Variants in CHIC2 observed in about 807,000 individuals in gnomAD.
CHIC2 encodes the protein cysteine-rich hydrophobic domain-containing protein 2.
A neutral mutation model predicts 25.9 loss-of-function variants in CHIC2; 14 were observed. That is an observed-to-expected ratio of 0.54 (90% CI 0.36 to 0.85). The LOEUF (loss-of-function observed/expected upper bound fraction) is 0.85, where lower values mean the gene tolerates loss of function less well. CHIC2 is among the 40% of genes least tolerant of loss of function. CHIC2 has a pLI of 0.01. For synonymous variants in CHIC2, 70 were observed against 72.0 expected (o/e 0.97, Z 0.14); for missense variants, 146 against 202.0 (o/e 0.72, Z 1.68).
chr4:54,013,782 A>C (rs927308587), intron 5 of CHIC2, 55 bp downstream of exon 5: 2 of 1,544,510 alleles, frequency 1.3e-6, no homozygotes, highest in East Asian at 4.5e-5. Flanking sequence ...TAAGATCAGA[A>C]GCAAAATAAA....
At chr4:54,059,191 T>C (rs1014345944) in intron 1 of CHIC2, among the ~76,000 whole-genome samples, 3 of 152,098 alleles carry the variant, frequency 2.0e-5, no homozygotes, top group Non-Finnish European at 4.4e-5. Context: ...ATTACCAAAT[T>C]ATAATCAAAT....
chr4:54,066,422 G>A (rs1259480366), upstream of CHIC2, among the ~76,000 whole-genome samples: 4 of 152,132 alleles, frequency 2.6e-5, no homozygotes, highest in Admixed American at 1.3e-4. Context: ...TATAAAGCAC[G>A]TACATAATAT....
the CHIC2 span, among the ~76,000 whole-genome samples, chr4:54,090,403 T>C: frequency 6.6e-6 from 1 of 152,158 alleles, no homozygotes; most frequent in South Asian, 2.1e-4. Context: ...CAGGCTGGTC[T>C]CGAACTTCTA....
intron 1 of CHIC2, chr4:54,060,389 G>C (rs773139979): frequency 3.9e-5 from 6 of 152,128 alleles, no homozygotes; most frequent in Non-Finnish European, 8.8e-5. Flanking sequence ...AGTACATGAA[G>C]ACACGGTAAA....
chr4:54,069,433 G>A (rs73252930), upstream of CHIC2, among the ~76,000 whole-genome samples: 183 of 152,340 alleles, frequency 1.2e-3, 1 homozygote, highest in Non-Finnish European at 2.1e-3. Context: ...CCGCGGAGTC[G>A]GGGTGCTCTG....
At chr4:54,087,225 G>C in the CHIC2 span, 2 of 641,038 alleles carry the variant, frequency 3.1e-6, no homozygotes, top group Non-Finnish European at 5.6e-6. Flanking sequence ...GGGAAGGAAA[G>C]AGCCTGGGCA....
the CHIC2 span, among the ~76,000 whole-genome samples, chr4:54,085,915 A>G: frequency 2.6e-5 from 4 of 152,048 alleles, no homozygotes; most frequent in African/African-American, 7.2e-5. Flanking sequence ...AAGTCGTTTA[A>G]CCTCTCAATA....
the CHIC2 span, chr4:54,087,145 C>T: frequency 1.3e-6 from 1 of 794,612 alleles, no homozygotes; most frequent in Non-Finnish European, 2.2e-6. Context: ...TGAGGAAGAC[C>T]AGAAAGAACA....
intron 3 of CHIC2, among the ~76,000 whole-genome samples, chr4:54,042,917 A>T (rs1459865301): frequency 6.6e-6 from 1 of 152,228 alleles, no homozygotes; most frequent in Non-Finnish European, 1.5e-5. Flanking sequence ...TTATAACAGA[A>T]ATCAAGGGAC....
At chr4:54,018,208 T>C (rs1040715505) in intron 3 of CHIC2, among the ~76,000 whole-genome samples, 2 of 152,084 alleles carry the variant, frequency 1.3e-5, no homozygotes, top group Admixed American at 6.5e-5. Context: ...AAATAAGACA[T>C]ACCTTCCAAA....
At chr4:54,012,086 T>C (rs1715612477) in intron 5 of CHIC2, among the ~76,000 whole-genome samples, 1 of 151,790 alleles carries the variant, frequency 6.6e-6, no homozygotes, top group Non-Finnish European at 1.5e-5. Flanking sequence ...TCTAAGAAAA[T>C]CCAGCAGAAC....
At chr4:54,077,050 C>A in the CHIC2 span, among the ~76,000 whole-genome samples, 1 of 152,088 alleles carries the variant, frequency 6.6e-6, no homozygotes, top group Non-Finnish European at 1.5e-5. Context: ...TGTAATGCAG[C>A]TAATTATAGT....
chr4:54,076,402 T>G, the CHIC2 span, among the ~76,000 whole-genome samples: 1 of 152,180 alleles, frequency 6.6e-6, no homozygotes, highest in Non-Finnish European at 1.5e-5. Context: ...AGGTAAATGT[T>G]TCTACTGCAA....
Position 54,009,804 on chromosome 4 carries a change from C to A in CHIC2, c.*291G>T. 1 of 269,686 alleles carries A rather than the reference C, an allele frequency of 3.7e-6. No homozygotes were observed. 16.7% of individuals were successfully genotyped at this position (269,686 alleles called of 1,614,324 possible). A position where few individuals can be genotyped will look rare whatever the true frequency, so the allele number is the denominator to read the frequency against. The stretch of plus-strand genomic sequence containing the variant: ...GGCTGGCCACTTTTTATGCTAAGTT[C>A]AAATGTATTTTTTTGATAATACAAA... On this transcript the variant is annotated 3_prime_UTR_variant, in exon 6 of 6. Transcript: ENST00000263921.
chr4:54,087,633 G>T, the CHIC2 span: 12 of 602,940 alleles, frequency 2.0e-5, no homozygotes, highest in African/African-American at 2.3e-4. Context: ...TAGGAGAAAT[G>T]TTGGCCTATA....
chr4:54,067,296 C>G (rs200957953), upstream of CHIC2, among the ~76,000 whole-genome samples: 3 of 149,666 alleles, frequency 2.0e-5, no homozygotes, highest in South Asian at 4.3e-4. Context: ...GTGTGTGTGT[C>G]TGTGTGTGTG....
the CHIC2 span, among the ~76,000 whole-genome samples, chr4:54,072,301 CAAAA>C: frequency 7.6e-6 from 1 of 130,912 alleles, no homozygotes; most frequent in Non-Finnish European, 1.7e-5. Context: ...GACTCCATCT[CAAAA>C]AAAAAAAAAA....
chr4:54,064,770 C>G (rs1034360788), upstream of CHIC2: 27 of 493,884 alleles, frequency 5.5e-5, no homozygotes, highest in South Asian at 8.6e-5. This position sits in a 1 kb window ranked among gnomAD's most constrained non-coding sequence, Gnocchi z 4.2. Flanking sequence ...CCCAGGCCAC[C>G]GTCTTTCCTC....
intron 1 of CHIC2, among the ~76,000 whole-genome samples, chr4:54,058,553 C>CAT (rs1717242331): frequency 1.6e-5 from 2 of 126,308 alleles, no homozygotes; most frequent in Non-Finnish European, 3.1e-5. Context: ...CACACATACA[C>CAT]ACACATACAC....
Sources: gnomAD v4.1 joint callset for allele counts (sites outside exome capture counted in the v4.1 genomes callset) on GRCh38, gnomAD v4.1.1 for gene constraint, Gnocchi (gnomAD v3.1) non-coding constraint, MANE v1.5 for transcripts, NCBI Gene and HGNC (gene_info 2026-07-23, HGNC 2026-07-21) for gene names.